The following FRS2 variants were observed in gnomAD, a reference collection of about 807,000 sequenced individuals.
The protein encoded by FRS2 is fibroblast growth factor receptor substrate 2.
In FRS2, 8 loss-of-function variants were observed where a neutral mutation model predicts 43.9. That is an observed-to-expected ratio of 0.18 (90% CI 0.11 to 0.33). FRS2 has a LOEUF of 0.33. Ranked by LOEUF, FRS2 falls within the 10% of genes least tolerant of loss-of-function variation. FRS2 has a pLI of 1.00. For missense variants in FRS2, 534 were observed against 627.6 expected (o/e 0.85, Z 1.59); for synonymous variants, 219 against 220.3 (o/e 0.99, Z 0.05).
At chr12:69,531,624 C>G (rs983802325) in intron 2 of FRS2, among the ~76,000 whole-genome samples, 1 of 150,518 alleles carries the variant, frequency 6.6e-6, no homozygotes, top group African/African-American at 2.4e-5. Flanking sequence ...GTAAAAAAAA[C>G]ACTGTTCAAA....
chr12:69,473,681 C>T lies in FRS2; in HGVS notation c.-261+3151C>T, dbSNP rs554527247. ...TACCAAGGTCTAATAGAGTAGTGTG[C>T]AGAATGATTTGATGTGGAAAGCTGA... is the stretch of plus-strand genomic sequence containing the variant. On this transcript the variant is annotated intron_variant, in intron 1 of 8. Transcript: ENST00000549921. Among the ~76,000 whole-genome samples the T allele has an allele frequency of 2.6e-5, 4 of 152,116 alleles. No homozygotes were observed. The South Asian group carries it at 8.3e-4, about 32-fold the overall frequency.
At chr12:69,535,907 A>G (rs1877225961) in intron 3 of FRS2, among the ~76,000 whole-genome samples, 1 of 152,072 alleles carries the variant, frequency 6.6e-6, no homozygotes, top group African/African-American at 2.4e-5. Flanking sequence ...ATTAATAATA[A>G]GCCAAAATAA....
intron 1 of FRS2, among the ~76,000 whole-genome samples, chr12:69,483,327 C>G (rs1871510244): frequency 6.6e-6 from 1 of 152,176 alleles, no homozygotes. Context: ...TGAAAACACT[C>G]CTTAGTGCTG....
chr12:69,525,238 G>C (rs1478308513), intron 1 of FRS2, among the ~76,000 whole-genome samples: 1 of 151,180 alleles, frequency 6.6e-6, no homozygotes, highest in Non-Finnish European at 1.5e-5. Context: ...TCATGGCCTA[G>C]AATGTGTGTA....
At chr12:69,513,151 G>GT (rs5798937) in intron 1 of FRS2, among the ~76,000 whole-genome samples, 95,280 of 146,926 alleles carry the variant, frequency 0.65, 31,056 homozygotes, top group South Asian at 0.85. Context: ...TTTGGAGTTT[G>GT]TTTTTTTTTT....
At chr12:69,530,300 G>A (rs1876664601) in intron 1 of FRS2, among the ~76,000 whole-genome samples, 1 of 150,150 alleles carries the variant, frequency 6.7e-6, no homozygotes, top group African/African-American at 2.5e-5. Flanking sequence ...TCTGTAAATG[G>A]CACTCCGGAG....
intron 1 of FRS2, among the ~76,000 whole-genome samples, chr12:69,473,127 T>TA (rs1432965242): frequency 2.0e-5 from 3 of 152,262 alleles, no homozygotes; most frequent in Admixed American, 1.3e-4. Flanking sequence ...GAGCATTTAC[T>TA]GAACAGACTT....
chr12:69,501,014 G>A (rs191355542), intron 1 of FRS2, among the ~76,000 whole-genome samples: 1 of 152,048 alleles, frequency 6.6e-6, no homozygotes, highest in Non-Finnish European at 1.5e-5. Flanking sequence ...ATGCATAATA[G>A]TACTTTGTTG....
At chr12:69,527,191 C>T (rs536184595) in intron 1 of FRS2, among the ~76,000 whole-genome samples, 12 of 152,150 alleles carry the variant, frequency 7.9e-5, no homozygotes, top group South Asian at 4.1e-4. Context: ...TTCTTTTAGA[C>T]CTAAGCATGG....
chr12:69,528,589 C>A (rs1180309194), intron 1 of FRS2, among the ~76,000 whole-genome samples: 2 of 152,146 alleles, frequency 1.3e-5, no homozygotes, highest in Non-Finnish European at 2.9e-5. Flanking sequence ...TTCATTATTT[C>A]TTTGAAGTCG....
chr12:69,481,492 G>A (rs1001733530), intron 1 of FRS2, among the ~76,000 whole-genome samples: 7 of 151,814 alleles, frequency 4.6e-5, no homozygotes, highest in Admixed American at 2.0e-4. Flanking sequence ...TGTTGACCAG[G>A]CTGACCAGGT....
At position 69,562,186 on chromosome 12, in the gene FRS2, T is replaced by C; in HGVS notation, c.-115T>C. ...GTTTTTCTTCTGTTTTTAGGTTAAA[T>C]CAGCAAACAAAGAAAACATGGTATT... On this transcript the variant is annotated 5_prime_UTR_variant, in exon 4 of 9. Transcript: ENST00000549921. 2.5e-6 allele frequency: 1 copy of C among 398,212 alleles called. No individual in the cohort carries two copies. The allele number at this position is 398,212 out of a possible 1,614,324, so 24.7% of individuals were successfully genotyped here. A position where few individuals can be genotyped will look rare whatever the true frequency, so the allele number is the denominator to read the frequency against.
chr12:69,474,071 G>C (rs1870546923), intron 1 of FRS2, among the ~76,000 whole-genome samples: 1 of 152,112 alleles, frequency 6.6e-6, no homozygotes, highest in African/African-American at 2.4e-5. Context: ...TCGATCTCTT[G>C]ACCTCGTGAT....
chr12:69,571,255 C>T (rs769900298), intron 6 of FRS2, 21 bp from the exon 7 acceptor site: 12 of 1,535,320 alleles, frequency 7.8e-6, no homozygotes, highest in Admixed American at 4.3e-5. Context: ...ACTATTTTTC[C>T]CTTTTGGTTT....
intron 3 of FRS2, among the ~76,000 whole-genome samples, chr12:69,549,702 T>C (rs1261367214): frequency 1.3e-5 from 2 of 152,204 alleles, no homozygotes; most frequent in Non-Finnish European, 1.5e-5. Context: ...AAGATGGAAA[T>C]TTGAAGACAA....
chr12:69,501,261 T>A (rs1873420430), intron 1 of FRS2, among the ~76,000 whole-genome samples: 1 of 151,738 alleles, frequency 6.6e-6, no homozygotes, highest in Non-Finnish European at 1.5e-5. Flanking sequence ...TATAAATAAA[T>A]ACGTAGTGTA....
chr12:69,497,897 G>T (rs1259067018), intron 1 of FRS2, among the ~76,000 whole-genome samples: 1 of 152,242 alleles, frequency 6.6e-6, no homozygotes, highest in East Asian at 1.9e-4. Flanking sequence ...GATCTGGTAA[G>T]TCTGCTGTGT....
At chr12:69,556,887 T>C (rs1879402831) in intron 3 of FRS2, among the ~76,000 whole-genome samples, 1 of 152,204 alleles carries the variant, frequency 6.6e-6, no homozygotes, top group African/African-American at 2.4e-5. Flanking sequence ...TTAAGGAAAA[T>C]ATTATAAAAT....
intron 2 of FRS2, among the ~76,000 whole-genome samples, chr12:69,531,738 T>TTTAGAATATAAAAATTGCCACA (rs1361443645): frequency 6.6e-6 from 1 of 152,120 alleles, no homozygotes; most frequent in African/African-American, 2.4e-5. Context: ...TAACAGCTGT[T>TTTAGAATATAAAAATTGCCACA]TTAGAATATA....
Sources: gnomAD v4.1 joint callset for allele counts (sites outside exome capture counted in the v4.1 genomes callset) on GRCh38, gnomAD v4.1.1 for gene constraint, MANE v1.5 for transcripts, NCBI Gene and HGNC (gene_info 2026-07-23, HGNC 2026-07-21) for gene names.